PTGDS: variants seen among roughly 807,000 people sequenced by gnomAD.
The protein encoded by PTGDS is prostaglandin-H2 D-isomerase.
PTGDS carries 21 observed loss-of-function variants against 28.4 expected under a neutral mutation model. That is an observed-to-expected ratio of 0.74 (90% CI 0.52 to 1.07). The LOEUF (loss-of-function observed/expected upper bound fraction) is 1.07, where lower values mean the gene tolerates loss of function less well. Ranked by LOEUF, PTGDS falls within the 50% of genes least tolerant of loss-of-function variation. The pLI, the probability that PTGDS is intolerant of heterozygous loss-of-function variation, is 0.00. For synonymous variants in PTGDS, 102 were observed against 106.0 expected, an observed-to-expected ratio of 0.96 and a Z score of 0.23; for missense variants, 243 against 247.7, an observed-to-expected ratio of 0.98 and a Z score of 0.13.
intron 5 of PTGDS, 25 bp from the exon 6 acceptor site, chr9:136,980,808 C>T (rs779164653): frequency 6.2e-7 from 1 of 1,613,994 alleles, no homozygotes; most frequent in East Asian, 2.2e-5. Flanking sequence ...GTTCTGACGA[C>T]AGCCCCTGGC....
intron 6 of PTGDS, chr9:136,981,180 C>T (rs142373812): frequency 4.0e-4 from 147 of 363,792 alleles, no homozygotes; most frequent in African/African-American, 2.7e-3. Context: ...GACCACCTGG[C>T]AGCAAGGGTG....
intron 3 of PTGDS, 114 bp from the exon 4 acceptor site, chr9:136,979,832 C>T (rs984537681): frequency 1.1e-5 from 11 of 1,018,808 alleles, no homozygotes; most frequent in African/African-American, 6.3e-5. Flanking sequence ...GGGAGCATCC[C>T]GGGCCAGCCG....
rs1286704106 is a variant in PTGDS at position 136,979,584 on chromosome 9, G to A, written c.331+285G>A. Reference sequence around the variant, plus strand: ...TTTCCCCACATAAGCAGCCCCCCAAGGCCCCTCCATATGCCTCCTCCCAAT... The same window carrying A: ...TTTCCCCACATAAGCAGCCCCCCAAAGCCCCTCCATATGCCTCCTCCCAAT... On this transcript the variant is annotated intron_variant, in intron 3 of 6. Transcript: ENST00000371625. 4.6e-5 allele frequency: 41 copies of A among 889,498 alleles called. No individual in the cohort carries two copies. The Admixed American group carries it at 1.1e-3, about 24-fold the overall frequency. The allele number at this position is 889,498 out of a possible 1,614,324, so 55.1% of individuals were successfully genotyped here.
intron 3 of PTGDS, 71 bp downstream of exon 3, chr9:136,979,370 G>A: frequency 6.3e-7 from 1 of 1,580,166 alleles, no homozygotes; most frequent in Middle Eastern, 1.8e-4. Flanking sequence ...CTCTGGGCCA[G>A]CCCCCTGCCG....
Position 136,980,329 on chromosome 9 carries a change from G to A in PTGDS, c.550+45G>A, listed in dbSNP as rs763265227. 6 of 1,594,362 alleles carry A rather than the reference G, an allele frequency of 3.8e-6. No individual in the cohort carries two copies. In the Admixed American group the frequency reaches 1.0e-4, roughly 27 times the overall value. On this transcript the variant is annotated intron_variant, in intron 5 of 6. Coordinates refer to ENST00000371625, the MANE Select transcript of PTGDS (RefSeq NM_000954.6). ...TGGGGAGAGGATCAAGGTCAGATTAGAGGCAGGCAGGCAGTCTCCTGACTG... is the reference window on the plus strand; with the variant it reads ...TGGGGAGAGGATCAAGGTCAGATTAAAGGCAGGCAGGCAGTCTCCTGACTG...
intron 1 of PTGDS, chr9:136,978,686 G>A (rs1310054732): frequency 8.9e-5 from 30 of 335,444 alleles, no homozygotes; most frequent in Non-Finnish European, 1.3e-4. Flanking sequence ...GGGGTCGTGA[G>A]GGGCGTGGTC....
At chr9:136,978,869 G>GA (rs1227123026) in intron 1 of PTGDS, 124 bp from the exon 2 acceptor site, 13 of 1,395,666 alleles carry the variant, frequency 9.3e-6, no homozygotes, top group Non-Finnish European at 1.2e-5. Context: ...CTGCTCGGGG[G>GA]ATTGGGCGTG....
At chr9:136,977,874 C>T (rs1159625001) in intron 1 of PTGDS, among the ~76,000 whole-genome samples, 182 bp downstream of exon 1, 3 of 152,122 alleles carry the variant, frequency 2.0e-5, no homozygotes, top group African/African-American at 7.2e-5. Context: ...AGGCTGCCCG[C>T]GAGAAGCCCT....
At chr9:136,979,452 C>A in intron 3 of PTGDS, 153 bp downstream of exon 3, 1 of 1,546,954 alleles carries the variant, frequency 6.5e-7, no homozygotes. Flanking sequence ...CTGGGCGTGA[C>A]TACCCATGCA....
intron 6 of PTGDS, among the ~76,000 whole-genome samples, chr9:136,981,286 C>T (rs1254556425): frequency 6.6e-6 from 1 of 152,072 alleles, no homozygotes; most frequent in Non-Finnish European, 1.5e-5. Context: ...ACATGGATGC[C>T]GTGGGACAGC....
intron 1 of PTGDS, 83 bp from the exon 2 acceptor site, chr9:136,978,910 T>C (rs748990425): frequency 3.2e-6 from 5 of 1,550,468 alleles, no homozygotes; most frequent in Non-Finnish European, 4.3e-6. Flanking sequence ...ACCGGAGGAG[T>C]AGACGGCAGA....
rs8192610 is a variant in PTGDS at position 136,980,846 on chromosome 9, G to C, written c.564G>C (p.Thr188=). The C allele has an allele frequency of 5.6e-6, 9 of 1,609,360 alleles. No individual in the cohort carries two copies. The highest frequency in any genetic ancestry group is 7.6e-6 in the Non-Finnish European group (9 of 1,177,430). ...VFLPQTDKCM[T]EQ ...CTTTCTTGGCAGATAAGTGCATGAC[G>C]GAACAATAGGTGAGCCACTCCATTC... The change falls in exon 6 of 7, where the codon ACG becomes ACC. Residue 188 remains threonine (T), a synonymous_variant. Coordinates refer to ENST00000371625, the MANE Select transcript of PTGDS (RefSeq NM_000954.6).
Position 136,979,299 on chromosome 9 carries a change from CG to C in PTGDS, c.331+1del. On this transcript the variant is annotated splice_donor_variant, in intron 3 of 6. Transcript: ENST00000371625. LOFTEE classifies it high-confidence loss of function. ...CGGCTCCTACAGCTACCGGAGTCCC[CG>C]TGAGTGGGGCCTCCACCGGCCCCCT... 1 of 1,608,546 alleles carries C rather than the reference CG, an allele frequency of 6.2e-7. No individual in the cohort carries two copies. The highest frequency in any genetic ancestry group is 8.5e-7 in the Non-Finnish European group (1 of 1,177,792).
chr9:136,980,367 G>A, intron 5 of PTGDS, 83 bp downstream of exon 5: 2 of 1,455,316 alleles, frequency 1.4e-6, no homozygotes, highest in Non-Finnish European at 1.9e-6. Context: ...GGAGGCAGAG[G>A]GGAGGAGGTG....
In PTGDS at chr9:136,979,131, A is replaced by G. The variant is rs146102143; in HGVS notation, c.253A>G (p.Arg85Gly). 30 of 1,612,826 alleles carry G rather than the reference A, an allele frequency of 1.9e-5. 1 individual carries two copies. The South Asian group carries it at 3.0e-4, about 16-fold the overall frequency. The change falls in exon 2 of 7, where the codon AGG becomes GGG. Residue 85 changes from arginine to glycine, a missense_variant and splice_region_variant. Arg to Gly is a moderately radical substitution (Grantham distance 125). Coordinates refer to ENST00000371625, the MANE Select transcript of PTGDS (RefSeq NM_000954.6). ...GGLNLTSTFL[R>G]KNQCETRTML... ...CCTCAACCTGACCTCCACCTTCCTCAGGTGGGACAGCGGGCAGGTGGGTTT... is the reference window on the plus strand; with the variant it reads ...CCTCAACCTGACCTCCACCTTCCTCGGGTGGGACAGCGGGCAGGTGGGTTT...
Position 136,980,829 on chromosome 9 carries a change from G to A in PTGDS, c.551-4G>A. 1 of 1,613,754 alleles carries A rather than the reference G, an allele frequency of 6.2e-7. No homozygotes were observed. Among genetic ancestry groups the A allele is most frequent in the Non-Finnish European group, 8.5e-7 (1 of 1,179,848 alleles). ...ACGACAGCCCCTGGCTTCTTTCTTG[G>A]CAGATAAGTGCATGACGGAACAATA... On this transcript the variant is annotated splice_region_variant and splice_polypyrimidine_tract_variant and intron_variant, in intron 5 of 6. Coordinates refer to ENST00000371625, the MANE Select transcript of PTGDS (RefSeq NM_000954.6).
intron 1 of PTGDS, among the ~76,000 whole-genome samples, chr9:136,978,266 C>T (rs1830396331): frequency 6.6e-6 from 1 of 152,196 alleles, no homozygotes; most frequent in South Asian, 2.1e-4. Flanking sequence ...ATGCGACGTC[C>T]TCTGCCGCCC....
chr9:136,978,334 C>G (rs1412000134), intron 1 of PTGDS, among the ~76,000 whole-genome samples: 3 of 151,468 alleles, frequency 2.0e-5, no homozygotes, highest in Admixed American at 2.0e-4. Flanking sequence ...GCGGAGGGGC[C>G]GAAGCTGGCT....
chr9:136,980,935 G>T, intron 6 of PTGDS, 80 bp downstream of exon 6: 1 of 1,500,168 alleles, frequency 6.7e-7, no homozygotes, highest in Non-Finnish European at 8.9e-7. Flanking sequence ...CTCTGCGATG[G>T]GATGGATCAG....
Sources: gnomAD v4.1 joint callset for allele counts (sites outside exome capture counted in the v4.1 genomes callset) on GRCh38, gnomAD v4.1.1 for gene constraint, MANE v1.5 for transcripts, NCBI Gene and HGNC (gene_info 2026-07-23, HGNC 2026-07-21) for gene names.